The following B3GALT1 variants were observed in gnomAD, a reference collection of about 807,000 sequenced individuals.
The protein encoded by B3GALT1 is beta-1,3-galactosyltransferase 1.
In B3GALT1, 10 loss-of-function variants were observed where a neutral mutation model predicts 23.2. The observed-to-expected ratio is 0.43, with a 90% CI of 0.27 to 0.73. The LOEUF (loss-of-function observed/expected upper bound fraction) is 0.73. Among genes scored for constraint, B3GALT1 ranks in the 30% least tolerant of loss-of-function variants. B3GALT1 has a pLI of 0.21. For synonymous variants in B3GALT1, 156 were observed against 141.5 expected (o/e 1.10, Z -0.73); for missense variants, 299 against 405.4 (o/e 0.74, Z 2.25).
intron 1 of B3GALT1, among the ~76,000 whole-genome samples, chr2:167,359,802 C>G (rs1220216099): frequency 6.6e-6 from 1 of 150,464 alleles, no homozygotes; most frequent in Non-Finnish European, 1.5e-5. Flanking sequence ...TCTAATTAAA[C>G]CAAGAAAACT....
At chr2:167,666,470 T>A (rs934031224) in intron 3 of B3GALT1, among the ~76,000 whole-genome samples, 1 of 152,068 alleles carries the variant, frequency 6.6e-6, no homozygotes, top group Non-Finnish European at 1.5e-5. Context: ...TTAGGTCCGC[T>A]TGGTGCAGGG....
chr2:167,647,203 G>A, intron 3 of B3GALT1, among the ~76,000 whole-genome samples: 1 of 152,198 alleles, frequency 6.6e-6, no homozygotes, highest in Non-Finnish European at 1.5e-5. Flanking sequence ...TACACAATGA[G>A]GCTAGTAGGG....
chr2:167,650,299 G>T (rs1483167719), intron 3 of B3GALT1, among the ~76,000 whole-genome samples: 1 of 147,724 alleles, frequency 6.8e-6, no homozygotes, highest in Non-Finnish European at 1.5e-5. Context: ...GAAACCACTT[G>T]ATCTATATAT....
chr2:167,588,207 A>G (rs748279510), intron 2 of B3GALT1, among the ~76,000 whole-genome samples: 2 of 152,120 alleles, frequency 1.3e-5, no homozygotes, highest in Non-Finnish European at 2.9e-5. Flanking sequence ...TAGTCGAAAC[A>G]TATGGAAATG....
At chr2:167,817,411 A>C (rs73021228) in intron 3 of B3GALT1, among the ~76,000 whole-genome samples, 1 of 152,180 alleles carries the variant, frequency 6.6e-6, no homozygotes. Flanking sequence ...GTATTCATTT[A>C]TTTGAACCTC....
At chr2:167,431,670 G>A (rs928973833) in intron 1 of B3GALT1, among the ~76,000 whole-genome samples, 1 of 152,160 alleles carries the variant, frequency 6.6e-6, no homozygotes, top group Non-Finnish European at 1.5e-5. Flanking sequence ...TGAAGGAGGT[G>A]CATGCATGCA....
rs546457442 is a variant in B3GALT1 at position 167,821,681 on chromosome 2, C to T, written c.-230+2888C>T. Among the ~76,000 whole-genome samples the T allele has an allele frequency of 1.4e-3, 218 of 152,186 alleles. 3 individuals are homozygous for T. Among genetic ancestry groups the T allele is most frequent in the South Asian group, 3.5e-3 (17 of 4,826 alleles). On this transcript the variant is annotated intron_variant, in intron 4 of 4. Coordinates refer to ENST00000392690, the MANE Select transcript of B3GALT1 (RefSeq NM_020981.4). ...AACTCTTGACCTCAGGTGATCCACC[C>T]GCCTCATCCTCCCAAAGTGCTGAGA...
At chr2:167,773,579 G>T (rs922776548) in intron 3 of B3GALT1, among the ~76,000 whole-genome samples, 2 of 152,188 alleles carry the variant, frequency 1.3e-5, no homozygotes, top group African/African-American at 2.4e-5. Flanking sequence ...TGACTATATT[G>T]TAGTGGCAGA....
intron 3 of B3GALT1, among the ~76,000 whole-genome samples, chr2:167,710,356 A>G (rs1175103733): frequency 2.6e-5 from 4 of 152,240 alleles, no homozygotes; most frequent in Non-Finnish European, 4.4e-5. Flanking sequence ...GAATTTTTAA[A>G]TTAGAAGCAA....
intron 1 of B3GALT1, among the ~76,000 whole-genome samples, chr2:167,416,904 T>G (rs1039749022): frequency 1.3e-5 from 2 of 152,200 alleles, no homozygotes; most frequent in Non-Finnish European, 2.9e-5. Context: ...TCCTTCCTTT[T>G]GGAATGAGAA....
chr2:167,617,558 T>C (rs1207602337), intron 2 of B3GALT1, among the ~76,000 whole-genome samples: 6 of 152,094 alleles, frequency 3.9e-5, no homozygotes, highest in African/African-American at 4.8e-5. Context: ...CCATAGAAAC[T>C]GAATTTTCTT....
chr2:167,852,112 A>G (rs1332902989), intron 4 of B3GALT1, among the ~76,000 whole-genome samples: 1 of 152,156 alleles, frequency 6.6e-6, no homozygotes, highest in African/African-American at 2.4e-5. Flanking sequence ...ATATATTCTT[A>G]TCAGTAGCTT....
intron 2 of B3GALT1, among the ~76,000 whole-genome samples, chr2:167,588,206 C>T (rs1372581203): frequency 6.6e-6 from 1 of 152,020 alleles, no homozygotes; most frequent in Non-Finnish European, 1.5e-5. Flanking sequence ...CTAGTCGAAA[C>T]ATATGGAAAT....
chr2:167,471,524 A>G (rs1699418009), intron 1 of B3GALT1, among the ~76,000 whole-genome samples: 2 of 152,182 alleles, frequency 1.3e-5, no homozygotes, highest in Admixed American at 1.3e-4. Context: ...GGGGAAACCC[A>G]GCTGATGCAG....
intron 4 of B3GALT1, among the ~76,000 whole-genome samples, chr2:167,839,064 C>T (rs1689564569): frequency 6.6e-6 from 1 of 152,104 alleles, no homozygotes; most frequent in Admixed American, 6.5e-5. Flanking sequence ...AACCCACAGC[C>T]AATATCATAC....
intron 4 of B3GALT1, among the ~76,000 whole-genome samples, chr2:167,836,067 C>A (rs1443412703): frequency 1.3e-5 from 2 of 152,138 alleles, no homozygotes; most frequent in Non-Finnish European, 2.9e-5. Flanking sequence ...GTAGATAAAA[C>A]CACAAAGATG....
chr2:167,715,406 T>G, intron 3 of B3GALT1: 1 of 1,612,816 alleles, frequency 6.2e-7, no homozygotes, highest in Non-Finnish European at 8.5e-7. Flanking sequence ...TTTCTGGCTT[T>G]CCTGAAGTTG....
At chr2:167,612,799 A>C (rs562455605) in intron 2 of B3GALT1, among the ~76,000 whole-genome samples, 46 of 151,978 alleles carry the variant, frequency 3.0e-4, no homozygotes, top group Non-Finnish European at 5.4e-4. Context: ...GAAATTGTGA[A>C]GATTTACTAG....
chr2:167,865,932 C>G (rs1282007776), intron 4 of B3GALT1, among the ~76,000 whole-genome samples: 4 of 152,124 alleles, frequency 2.6e-5, no homozygotes, highest in African/African-American at 4.8e-5. Context: ...GTCTGAGAAC[C>G]ACTCACCATC....
Sources: gnomAD v4.1 joint callset for allele counts (sites outside exome capture counted in the v4.1 genomes callset) on GRCh38, gnomAD v4.1.1 for gene constraint, MANE v1.5 for transcripts, NCBI Gene and HGNC (gene_info 2026-07-23, HGNC 2026-07-21) for gene names.